ASAP2: variants seen among roughly 807,000 people sequenced by gnomAD.
The protein encoded by ASAP2 is ArfGAP with SH3 domain, ankyrin repeat and PH domain 2, also known as arf-GAP with SH3 domain, ANK repeat and PH domain-containing protein 2.
Under a neutral mutation model 131.4 loss-of-function variants are expected in ASAP2, and 45 were observed. The ratio of observed to expected loss-of-function variants is 0.34; its 90% CI spans 0.27 to 0.44. ASAP2 has a LOEUF of 0.44. Among genes scored for constraint, ASAP2 ranks in the 20% least tolerant of loss-of-function variants. The probability of loss-of-function intolerance (pLI) is 1.00; values close to 1 mark genes in which losing one functional copy is unlikely to be tolerated. For synonymous variants in ASAP2, 510 were observed against 503.0 expected (o/e 1.01, Z -0.19); for missense variants, 1,011 against 1,297.0 (o/e 0.78, Z 3.39).
At chr2:9,343,544 T>C (rs574000762) in intron 9 of ASAP2, among the ~76,000 whole-genome samples, 1 of 152,180 alleles carries the variant, frequency 6.6e-6, no homozygotes, top group Non-Finnish European at 1.5e-5. Context: ...TCTCCCAGGC[T>C]CAAGCAGTCC....
At chr2:9,344,420 T>C (rs1671811005) in intron 9 of ASAP2, 112 bp from the exon 10 acceptor site, 3 of 802,110 alleles carry the variant, frequency 3.7e-6, no homozygotes, top group African/African-American at 2.3e-5. Context: ...TTTCTCCAAT[T>C]TTTGTTGTTG....
At chr2:9,208,006 A>T (rs932061424) in intron 1 of ASAP2, among the ~76,000 whole-genome samples, 4 of 152,344 alleles carry the variant, frequency 2.6e-5, no homozygotes, top group African/African-American at 9.6e-5. Flanking sequence ...AGGAACACGT[A>T]GGAACGAAGA....
intron 18 of ASAP2, 151 bp from the exon 19 acceptor site, chr2:9,378,793 G>A (rs1434811144): frequency 2.1e-6 from 1 of 465,534 alleles, no homozygotes; most frequent in African/African-American, 2.0e-5. Flanking sequence ...ACGGTGCCAG[G>A]TCCCACCACC....
intron 24 of ASAP2, chr2:9,399,534 T>C (rs6742922): frequency 0.84 from 134,079 of 159,888 alleles, 56,272 homozygotes; most frequent in East Asian, 0.97. Flanking sequence ...GGCCCAGAGG[T>C]TCATGGATGG....
intron 2 of ASAP2, among the ~76,000 whole-genome samples, chr2:9,284,983 T>C (rs1397761653): frequency 6.6e-6 from 1 of 152,214 alleles, no homozygotes; most frequent in East Asian, 1.9e-4. Flanking sequence ...GAATGGTTTC[T>C]TACCATCGTT....
At chr2:9,220,719 G>A (rs1196653266) in intron 1 of ASAP2, among the ~76,000 whole-genome samples, 36 of 152,184 alleles carry the variant, frequency 2.4e-4, no homozygotes, top group Non-Finnish European at 7.3e-5. Flanking sequence ...ATCCAGAATA[G>A]TCATTTTTCC....
At chr2:9,238,616 G>C (rs1663721496) in intron 1 of ASAP2, among the ~76,000 whole-genome samples, 1 of 152,316 alleles carries the variant, frequency 6.6e-6, no homozygotes, top group Middle Eastern at 3.4e-3. Context: ...TGTTTGCATG[G>C]GGAGGAGAGG....
intron 1 of ASAP2, among the ~76,000 whole-genome samples, chr2:9,259,103 C>T (rs1228822549): frequency 6.6e-6 from 1 of 152,374 alleles, no homozygotes; most frequent in Non-Finnish European, 1.5e-5. Context: ...GGAGGTTCAG[C>T]CTCTTCCCCT....
At position 9,350,761 on chromosome 2, in the gene ASAP2, C is replaced by T. The variant is rs748383099; in HGVS notation, c.1024-47C>T. 9.1e-6 allele frequency: 14 copies of T among 1,537,082 alleles called. No homozygotes were observed. The Admixed American group carries it at 2.4e-4, about 27-fold the overall frequency. On this transcript the variant is annotated intron_variant, in intron 11 of 27. Transcript: ENST00000281419. ...ATTGATACTGTATGATTTTCCATTCCTTCCACCCAACCCCAACCTTTTTTG... is the reference window on the plus strand; with the variant it reads ...ATTGATACTGTATGATTTTCCATTCTTTCCACCCAACCCCAACCTTTTTTG...
chr2:9,257,374 C>G (rs1665240470), intron 1 of ASAP2, among the ~76,000 whole-genome samples: 1 of 152,216 alleles, frequency 6.6e-6, no homozygotes, highest in East Asian at 1.9e-4. Flanking sequence ...CCATAGGTGC[C>G]TAAAACTTTT....
At chr2:9,306,406 C>T (rs980611634) in intron 3 of ASAP2, among the ~76,000 whole-genome samples, 4 of 151,744 alleles carry the variant, frequency 2.6e-5, no homozygotes, top group Admixed American at 2.6e-4. Context: ...AGGGACGTTT[C>T]CCAGACTTTC....
chr2:9,384,508 ACAAATCAACCTCC>A (rs1675109133), intron 20 of ASAP2, among the ~76,000 whole-genome samples: 2 of 152,240 alleles, frequency 1.3e-5, no homozygotes, highest in Admixed American at 6.5e-5. Flanking sequence ...GACACCAGTC[ACAAATCAACCTCC>A]AGAACTTCTG....
At chr2:9,330,474 T>C (rs1286358518) in intron 7 of ASAP2, among the ~76,000 whole-genome samples, 1 of 152,142 alleles carries the variant, frequency 6.6e-6, no homozygotes, top group East Asian at 1.9e-4. Context: ...TGTATGTTAT[T>C]CTGGTGATGG....
intron 24 of ASAP2, among the ~76,000 whole-genome samples, chr2:9,397,750 ATTTTTTTTTTTT>A (rs1172660637): frequency 2.2e-5 from 1 of 44,810 alleles, no homozygotes; most frequent in Non-Finnish European, 3.4e-5. Context: ...ATATATATAT[ATTTTTTTTTTTT>A]TTTTTTTTTT....
chr2:9,309,096 C>T (rs572637863), intron 3 of ASAP2, among the ~76,000 whole-genome samples: 19 of 152,244 alleles, frequency 1.2e-4, no homozygotes, highest in East Asian at 1.9e-4. Flanking sequence ...GCCTCCTTTG[C>T]GCTCTGCTCC....
intron 6 of ASAP2, among the ~76,000 whole-genome samples, chr2:9,324,722 T>C (rs1171264174): frequency 6.6e-6 from 1 of 152,236 alleles, no homozygotes; most frequent in Non-Finnish European, 1.5e-5. Context: ...GTTTCCAACA[T>C]GTGAACTTTT....
At chr2:9,251,739 G>A (rs540556164) in intron 1 of ASAP2, among the ~76,000 whole-genome samples, 3 of 151,960 alleles carry the variant, frequency 2.0e-5, no homozygotes, top group East Asian at 3.9e-4. Flanking sequence ...GGACATCAGC[G>A]TGGCAAATGG....
Position 9,391,182 on chromosome 2 carries a change from G to A in ASAP2, c.2504G>A (p.Arg835His), listed in dbSNP as rs757456352. 1.1e-5 allele frequency: 18 copies of A among 1,613,808 alleles called. No homozygotes were observed. Among genetic ancestry groups the A allele is most frequent in the African/African-American group, 1.3e-5 (1 of 75,024 alleles). ...PAVHPPLPPL[R>H]VTSTNPLTPT... ...GTCCATCCACCGCTGCCCCCTCTTC[G>A]CGTGACATCTACCAGTACGTTTTTT... Residue 835 changes from arginine to histidine, a missense_variant, in exon 23 of 28, where the codon CGC (arginine) becomes CAC (histidine). Around this residue, in one of 2 missense-constraint regions of ASAP2, gnomAD observed 652 missense variants for 698.9 expected, o/e 0.93. Transcript: ENST00000281419.
In ASAP2 at chr2:9,254,535, T is replaced by A. The variant is rs1457003724; in HGVS notation, c.127-24782T>A. On this transcript the variant is annotated intron_variant, in intron 1 of 27. Transcript: ENST00000281419. Reference sequence around the variant, plus strand: ...CCCCAGCTAATTTTTGGATTTTTTTTTTTTTTTTTTTTTTTTTTAGTAGAG... The same window carrying A: ...CCCCAGCTAATTTTTGGATTTTTTTATTTTTTTTTTTTTTTTTTAGTAGAG... Among the ~76,000 whole-genome samples, 172 of 83,512 alleles carry A rather than the reference T, an allele frequency of 2.1e-3. 16 individuals are homozygous for A. Among genetic ancestry groups the A allele is most frequent in the African/African-American group, 7.5e-3 (162 of 21,704 alleles). The allele number at this position is 83,512 out of a possible 152,430, so 54.8% of individuals were successfully genotyped here.
Sources: gnomAD v4.1 joint callset for allele counts (sites outside exome capture counted in the v4.1 genomes callset) on GRCh38, gnomAD v4.1.1 for gene constraint, gnomAD v4.1.1 regional missense constraint, MANE v1.5 for transcripts, NCBI Gene and HGNC (gene_info 2026-07-23, HGNC 2026-07-21) for gene names.